Variants in KCNIP4 observed in about 807,000 individuals in gnomAD.
KCNIP4 encodes potassium voltage-gated channel interacting protein 4, also known as Kv channel-interacting protein 4.
KCNIP4 carries 12 observed loss-of-function variants against 34.0 expected under a neutral mutation model. That is an observed-to-expected ratio of 0.35 (90% confidence interval 0.23 to 0.57). The LOEUF (loss-of-function observed/expected upper bound fraction) is 0.57, where lower values mean the gene tolerates loss of function less well. Ranked by LOEUF, KCNIP4 falls within the 20% of genes least tolerant of loss-of-function variation. KCNIP4 has a pLI of 0.83. For synonymous variants in KCNIP4, 124 were observed against 102.2 expected (o/e 1.21, Z -1.29); for missense variants, 238 against 311.7 (o/e 0.76, Z 1.78).
chr4:21,853,151 A>G (rs1724514304), intron 1 of KCNIP4: 1 of 152,186 alleles, frequency 6.6e-6, no homozygotes, highest in Non-Finnish European at 1.5e-5. Context: ...TTGATTGCCT[A>G]ATTTGTAAAA....
intron 1 of KCNIP4, among the ~76,000 whole-genome samples, chr4:21,627,815 G>C (rs889389479): frequency 1.3e-5 from 2 of 152,152 alleles, no homozygotes; most frequent in Non-Finnish European, 2.9e-5. Context: ...AGTCTAATAA[G>C]TGTCGGTCAT....
chr4:21,174,371 T>C (rs1175960785), intron 1 of KCNIP4, among the ~76,000 whole-genome samples: 1 of 152,176 alleles, frequency 6.6e-6, no homozygotes, highest in South Asian at 2.1e-4. Flanking sequence ...TGTGTGATCT[T>C]GGACAAAAGA....
chr4:21,886,826 T>C (rs113840228), intron 1 of KCNIP4, among the ~76,000 whole-genome samples: 3 of 104,238 alleles, frequency 2.9e-5, no homozygotes, highest in South Asian at 3.2e-4. Flanking sequence ...AGCTCTTCTT[T>C]TTATTTTTCA....
At chr4:20,928,088 A>T (rs10516372) in intron 1 of KCNIP4, among the ~76,000 whole-genome samples, 20,512 of 152,054 alleles carry the variant, frequency 0.13, 1,948 homozygotes, top group African/African-American at 0.28. Context: ...GAGGCATAAA[A>T]ATGTTCAAAT....
At chr4:20,752,042 T>C (rs529184895) in intron 4 of KCNIP4, among the ~76,000 whole-genome samples, 59 of 149,340 alleles carry the variant, frequency 4.0e-4, no homozygotes, top group African/African-American at 1.3e-3. Context: ...AATATCAGTA[T>C]GTACTTCATA....
At chr4:21,252,273 G>A (rs1023070985) in intron 1 of KCNIP4, among the ~76,000 whole-genome samples, 4 of 151,526 alleles carry the variant, frequency 2.6e-5, no homozygotes, top group Non-Finnish European at 5.9e-5. Context: ...GATTACAGGC[G>A]GGCACCTCCA....
chr4:21,077,739 T>C (rs1399020975), intron 1 of KCNIP4, among the ~76,000 whole-genome samples: 1 of 152,120 alleles, frequency 6.6e-6, no homozygotes, highest in Admixed American at 6.6e-5. Context: ...TATAAAAGCA[T>C]AAAGAGTACA....
chr4:21,139,652 C>A (rs542521115), intron 1 of KCNIP4, among the ~76,000 whole-genome samples: 1 of 152,194 alleles, frequency 6.6e-6, no homozygotes, highest in Non-Finnish European at 1.5e-5. Flanking sequence ...AACGTTCTAG[C>A]CTTAGCACTG....
intron 1 of KCNIP4, among the ~76,000 whole-genome samples, chr4:21,857,332 T>C (rs1246215791): frequency 2.0e-5 from 3 of 151,890 alleles, no homozygotes; most frequent in Non-Finnish European, 1.5e-5. Flanking sequence ...CACAAGATGA[T>C]CAGCTGTGGA....
At chr4:21,858,624 G>A (rs987765498) in intron 1 of KCNIP4, among the ~76,000 whole-genome samples, 1 of 152,080 alleles carries the variant, frequency 6.6e-6, no homozygotes, top group Non-Finnish European at 1.5e-5. Flanking sequence ...AAGCACATTG[G>A]CATTTTTAAT....
chr4:21,556,920 CAGA>C (rs1297299194), intron 1 of KCNIP4, among the ~76,000 whole-genome samples: 2 of 35,664 alleles, frequency 5.6e-5, no homozygotes, highest in East Asian at 1.3e-3. Context: ...GACTCCATCT[CAGA>C]AAAAAAAAAA....
intron 1 of KCNIP4, among the ~76,000 whole-genome samples, chr4:21,424,899 C>T (rs1725806252): frequency 6.6e-6 from 1 of 152,166 alleles, no homozygotes; most frequent in African/African-American, 2.4e-5. Context: ...ATCCTGTCCC[C>T]AAATGTGCAT....
At chr4:20,882,432 G>A (rs1413745545) in intron 2 of KCNIP4, among the ~76,000 whole-genome samples, 176 bp downstream of exon 2, 2 of 152,160 alleles carry the variant, frequency 1.3e-5, no homozygotes, top group Non-Finnish European at 2.9e-5. Context: ...CTGCAAAATG[G>A]AAAATGACTC....
At chr4:20,931,100 C>A (rs1465688090) in intron 1 of KCNIP4, among the ~76,000 whole-genome samples, 1 of 151,808 alleles carries the variant, frequency 6.6e-6, no homozygotes. Flanking sequence ...ATGCTCATTG[C>A]ATCTATTCAC....
At chr4:21,424,787 C>G (rs1320910407) in intron 1 of KCNIP4, among the ~76,000 whole-genome samples, 2 of 152,102 alleles carry the variant, frequency 1.3e-5, no homozygotes, top group Non-Finnish European at 2.9e-5. Flanking sequence ...ATCCATTTCT[C>G]CACTATTATA....
At chr4:21,424,561 A>G (rs1003767385) in intron 1 of KCNIP4, among the ~76,000 whole-genome samples, 1 of 151,774 alleles carries the variant, frequency 6.6e-6, no homozygotes, top group Non-Finnish European at 1.5e-5. Context: ...ACAGATCAAG[A>G]CTCTGTCTGA....
At chr4:21,890,945 A>G (rs1727056568) in intron 1 of KCNIP4, among the ~76,000 whole-genome samples, 1 of 152,138 alleles carries the variant, frequency 6.6e-6, no homozygotes, top group African/African-American at 2.4e-5. Context: ...AACTGTGACC[A>G]CTTGTAAAAA....
intron 1 of KCNIP4, among the ~76,000 whole-genome samples, chr4:21,019,389 C>T (rs1577545399): frequency 6.6e-6 from 1 of 152,120 alleles, no homozygotes; most frequent in Admixed American, 6.5e-5. Context: ...AACTCCTAAC[C>T]TCAGGTAATC....
chr4:20,980,514 A>G (rs1735962821), intron 1 of KCNIP4, among the ~76,000 whole-genome samples: 5 of 152,220 alleles, frequency 3.3e-5, no homozygotes, highest in Admixed American at 2.6e-4. Context: ...ATTGGAAACT[A>G]AAACAAATAA....
Sources: allele counts gnomAD v4.1 joint callset (sites outside exome capture counted in the v4.1 genomes callset), GRCh38; gene constraint gnomAD v4.1.1; transcripts MANE v1.5; gene names NCBI Gene and HGNC (gene_info 2026-07-23, HGNC 2026-07-21).